Variants in GALNT13 observed in about 807,000 individuals in gnomAD.
GALNT13 encodes the protein UDP-GalNAc:polypeptide N-acetylgalactosaminyltransferase 13.
Under a neutral mutation model 64.2 loss-of-function variants are expected in GALNT13, and 28 were observed. That is an observed-to-expected ratio of 0.44 (90% confidence interval 0.32 to 0.60). The LOEUF is 0.60. GALNT13 is among the 20% of genes least tolerant of loss of function. The pLI is 0.05. For missense variants in GALNT13, 577 were observed against 669.8 expected (o/e 0.86, Z 1.53); for synonymous variants, 214 against 224.6 (o/e 0.95, Z 0.42).
At chr2:153,702,467 A>G in the GALNT13 span, among the ~76,000 whole-genome samples, 2 of 151,924 alleles carry the variant, frequency 1.3e-5, no homozygotes, top group Non-Finnish European at 2.9e-5. Flanking sequence ...GAAATTAAAT[A>G]AAATAAATAA....
chr2:154,328,199 AGG>A (rs1439784893), intron 9 of GALNT13, among the ~76,000 whole-genome samples: 2 of 152,140 alleles, frequency 1.3e-5, no homozygotes, highest in Non-Finnish European at 2.9e-5. Context: ...TCCTGCTGCT[AGG>A]GTTAAGTGCT....
At chr2:154,240,177 C>G (rs531649640) in intron 4 of GALNT13, among the ~76,000 whole-genome samples, 7 of 152,106 alleles carry the variant, frequency 4.6e-5, no homozygotes, top group Admixed American at 2.0e-4. Flanking sequence ...TGAATGTTGA[C>G]GAGTTGATGG....
At chr2:153,080,783 T>G in the GALNT13 span, among the ~76,000 whole-genome samples, 6 of 152,108 alleles carry the variant, frequency 3.9e-5, no homozygotes, top group Non-Finnish European at 8.8e-5. Flanking sequence ...GTTTCCACTT[T>G]ATGTAATGTT....
chr2:153,218,009 G>A, the GALNT13 span, among the ~76,000 whole-genome samples: 2 of 152,156 alleles, frequency 1.3e-5, no homozygotes, highest in Non-Finnish European at 2.9e-5. Context: ...CTAGTCTGGA[G>A]TTGAGCTGGT....
intron 9 of GALNT13, among the ~76,000 whole-genome samples, chr2:154,387,123 T>A (rs75077660): frequency 6.6e-6 from 1 of 152,164 alleles, no homozygotes; most frequent in African/African-American, 2.4e-5. Flanking sequence ...AATGTAGTTC[T>A]GTCCACTGAC....
At chr2:153,767,417 T>C in the GALNT13 span, among the ~76,000 whole-genome samples, 1 of 152,150 alleles carries the variant, frequency 6.6e-6, no homozygotes, top group African/African-American at 2.4e-5. Context: ...AATGTATGAG[T>C]GCAGATGCCT....
chr2:154,277,808 T>C (rs1691733077), intron 8 of GALNT13, among the ~76,000 whole-genome samples: 1 of 152,188 alleles, frequency 6.6e-6, no homozygotes, highest in Non-Finnish European at 1.5e-5. Context: ...ATTTGATGCA[T>C]TAGGAATTCT....
Position 153,952,262 on chromosome 2 carries a change from G to A in GALNT13, c.142+7623G>A, listed in dbSNP as rs373316577. On this transcript the variant is annotated intron_variant, in intron 3 of 12. Transcript: ENST00000392825. ...TTGAGGGCATGTGGTAGGTTTGCATGGGCGTTATGACATAGTGGATCCTTG... is the reference window on the plus strand; with the variant it reads ...TTGAGGGCATGTGGTAGGTTTGCATAGGCGTTATGACATAGTGGATCCTTG... Among the ~76,000 whole-genome samples the A allele has an allele frequency of 9.2e-5, 14 of 152,280 alleles. No individual in the cohort carries two copies. The South Asian group carries it at 2.5e-3, about 27-fold the overall frequency.
intron 3 of GALNT13, 144 bp downstream of exon 3, chr2:153,944,783 A>T: frequency 1.6e-6 from 1 of 617,954 alleles, no homozygotes; most frequent in Non-Finnish European, 2.7e-6. Flanking sequence ...ATGTTTAACC[A>T]TGGGGAAGTT....
chr2:154,248,676 TCTTGCTA>T (rs1259708142), intron 7 of GALNT13, among the ~76,000 whole-genome samples: 1 of 152,232 alleles, frequency 6.6e-6, no homozygotes, highest in African/African-American at 2.4e-5. Context: ...AGTCAGAAGA[TCTTGCTA>T]CAATGGACCA....
the GALNT13 span, among the ~76,000 whole-genome samples, chr2:153,274,593 T>C: frequency 6.6e-6 from 1 of 152,194 alleles, no homozygotes; most frequent in Non-Finnish European, 1.5e-5. Flanking sequence ...TCTCTATATC[T>C]TGGAACTGTG....
chr2:153,424,075 G>C, the GALNT13 span, among the ~76,000 whole-genome samples: 1 of 149,908 alleles, frequency 6.7e-6, no homozygotes, highest in Admixed American at 6.6e-5. Context: ...AACAGATCGA[G>C]CCATGTATAT....
the GALNT13 span, among the ~76,000 whole-genome samples, chr2:153,439,770 G>T: frequency 2.6e-5 from 4 of 152,090 alleles, no homozygotes; most frequent in South Asian, 8.3e-4. Flanking sequence ...CGCTTCCTGG[G>T]TGAGGCGATG....
At chr2:153,351,791 G>A in the GALNT13 span, among the ~76,000 whole-genome samples, 3 of 152,040 alleles carry the variant, frequency 2.0e-5, no homozygotes, top group Non-Finnish European at 4.4e-5. Flanking sequence ...TGGCTTGATA[G>A]GTCATTCCTT....
the GALNT13 span, among the ~76,000 whole-genome samples, chr2:153,415,264 G>A: frequency 6.6e-6 from 1 of 152,174 alleles, no homozygotes. Flanking sequence ...CCATGTAAAG[G>A]ATGCCAATTG....
chr2:153,582,584 A>G, the GALNT13 span, among the ~76,000 whole-genome samples: 3 of 152,168 alleles, frequency 2.0e-5, no homozygotes, highest in Non-Finnish European at 4.4e-5. Flanking sequence ...AAATTCTATT[A>G]AAATGATTTT....
the GALNT13 span, among the ~76,000 whole-genome samples, chr2:153,265,492 C>T: frequency 6.6e-6 from 1 of 152,190 alleles, no homozygotes; most frequent in South Asian, 2.1e-4. Context: ...CCACTGCATT[C>T]TCTCTCCTCT....
chr2:154,216,770 C>T (rs1170264679), intron 4 of GALNT13, among the ~76,000 whole-genome samples: 1 of 148,112 alleles, frequency 6.8e-6, no homozygotes, highest in African/African-American at 2.5e-5. Flanking sequence ...TTTTAAAAGG[C>T]AAACACTTCA....
At chr2:153,601,866 C>T in the GALNT13 span, among the ~76,000 whole-genome samples, 115 of 151,950 alleles carry the variant, frequency 7.6e-4, no homozygotes, top group Admixed American at 6.2e-3. Flanking sequence ...TCTTAAACAT[C>T]TAGGCAAGAA....
Sources: gnomAD v4.1 joint callset for allele counts (sites outside exome capture counted in the v4.1 genomes callset) on GRCh38, gnomAD v4.1.1 for gene constraint, MANE v1.5 for transcripts, NCBI Gene and HGNC (gene_info 2026-07-23, HGNC 2026-07-21) for gene names.